The following KANK1 variants were observed in gnomAD, a reference collection of about 807,000 sequenced individuals.
KANK1 encodes KN motif and ankyrin repeat domain-containing protein 1.
Under a neutral mutation model 106.2 loss-of-function variants are expected in KANK1, and 109 were observed. That is an observed-to-expected ratio of 1.03 (90% CI 0.88 to 1.20). The LOEUF is 1.20. Among genes scored for constraint, KANK1 ranks in the 50% most tolerant of loss-of-function variants. KANK1 has a pLI of 0.00. For synonymous variants in KANK1, 873 were observed against 652.2 expected (o/e 1.34, Z -5.16); for missense variants, 2,399 against 1,710.7 (o/e 1.40, Z -7.10).
At chr9:523,551 T>A (rs1233677891) in intron 1 of KANK1, among the ~76,000 whole-genome samples, 1 of 151,734 alleles carries the variant, frequency 6.6e-6, no homozygotes, top group Non-Finnish European at 1.5e-5. Context: ...AGGAAAAGTT[T>A]TTACAGTGAA....
At chr9:674,093 A>C (rs1294540267) in intron 1 of KANK1, 1 of 152,126 alleles carries the variant, frequency 6.6e-6, no homozygotes, top group African/African-American at 2.4e-5. Context: ...GTTTATCCCT[A>C]ATGCCTGCCT....
chr9:563,313 T>A (rs917771768), intron 1 of KANK1, among the ~76,000 whole-genome samples: 12 of 152,220 alleles, frequency 7.9e-5, no homozygotes, highest in Admixed American at 7.9e-4. Context: ...TGTCTATTTT[T>A]CTGTTCTTTG....
At chr9:492,463 T>C (rs116239659) in intron 3 of KANK1, among the ~76,000 whole-genome samples, 2,825 of 152,272 alleles carry the variant, frequency 0.019, 71 homozygotes, top group African/African-American at 0.064. Flanking sequence ...GCTTCAGGTT[T>C]CCTTTCTGTA....
chr9:530,843 C>G (rs375650438), intron 1 of KANK1, among the ~76,000 whole-genome samples: 3 of 152,132 alleles, frequency 2.0e-5, no homozygotes, highest in Admixed American at 6.5e-5. Context: ...ACAAAATTAG[C>G]CAGACGTGGT....
rs375805215 is a variant in KANK1 at position 625,545 on chromosome 9, TTCTA to T, written c.-83-51343_-83-51340del. Among the ~76,000 whole-genome samples, 246 of 152,236 alleles carry T rather than the reference TTCTA, an allele frequency of 1.6e-3. 3 individuals are homozygous for T. The highest frequency in any genetic ancestry group is 5.7e-3 in the African/African-American group (236 of 41,536). ...TCTCATAGTTATCCGTTGTTAAAAG[TTCTA>T]TATTTCTACAAACCTTCTTGTGCGA... On this transcript the variant is annotated intron_variant, in intron 1 of 11. Transcript: ENST00000382297.
rs112164793 is a variant in KANK1, at chr9:574,147, T to G, written c.-84+69393T>G. ...TGGCCTTTGTTCTCTGCCGCACATG[T>G]TTGAAAAGCGCAGCTCGCACCCACT... On this transcript the variant is annotated intron_variant, in intron 1 of 11. Coordinates refer to ENST00000382297, the MANE Select transcript of KANK1 (RefSeq NM_015158.5). Among the ~76,000 whole-genome samples the G allele has an allele frequency of 1.9e-4, 29 of 152,342 alleles. 2 individuals are homozygous for G. Among genetic ancestry groups the G allele is most frequent in the African/African-American group, 5.8e-4 (24 of 41,584 alleles).
intron 3 of KANK1, among the ~76,000 whole-genome samples, chr9:490,958 C>CTT (rs758168904): frequency 0.07 from 8,191 of 116,262 alleles, 1,123 homozygotes; most frequent in African/African-American, 0.24. Context: ...GCTAAAGTGG[C>CTT]TTTTTTTTTT....
intron 1 of KANK1, among the ~76,000 whole-genome samples, chr9:668,030 C>T (rs952898389): frequency 6.6e-6 from 1 of 152,094 alleles, no homozygotes; most frequent in Non-Finnish European, 1.5e-5. Flanking sequence ...CACACCTAGC[C>T]CAAAATTCCT....
At chr9:474,053 T>A (rs1536857) in intron 3 of KANK1, among the ~76,000 whole-genome samples, 12,183 of 152,192 alleles carry the variant, frequency 0.08, 1,696 homozygotes, top group African/African-American at 0.28. Flanking sequence ...TTTCCCCACA[T>A]GATGGCTCCT....
chr9:742,933 A>G (rs577412542), intron 10 of KANK1, among the ~76,000 whole-genome samples: 1 of 152,176 alleles, frequency 6.6e-6, no homozygotes, highest in Admixed American at 6.5e-5. Context: ...GCGTTTTCCC[A>G]TTTCTGCTTA....
rs978543258 is a variant in KANK1 at position 518,109 on chromosome 9, C to G, written c.-84+13355C>G. Among the ~76,000 whole-genome samples, 3 of 151,848 alleles carry G rather than the reference C, an allele frequency of 2.0e-5. No individual in the cohort carries two copies. In the South Asian group the frequency reaches 6.2e-4, roughly 31 times the overall value. ...CTTAGTACTGTGGAAAAAAGTGTCA[C>G]TCTTTCCTGCTCTGTCAACTTTGAT... On this transcript the variant is annotated intron_variant, in intron 1 of 11. Coordinates refer to ENST00000382297, the MANE Select transcript of KANK1 (RefSeq NM_015158.5).
chr9:667,187 A>C (rs1037947165), intron 1 of KANK1, among the ~76,000 whole-genome samples: 1 of 151,968 alleles, frequency 6.6e-6, no homozygotes. Flanking sequence ...GTATATGTCC[A>C]GGAATGTATC....
intron 1 of KANK1, among the ~76,000 whole-genome samples, chr9:640,242 A>T (rs1838101154): frequency 6.6e-6 from 1 of 151,802 alleles, no homozygotes; most frequent in Non-Finnish European, 1.5e-5. Flanking sequence ...CATCATTTTT[A>T]TTTTATTTTA....
chr9:573,205 A>G (rs1278222024), intron 1 of KANK1, among the ~76,000 whole-genome samples: 2 of 152,178 alleles, frequency 1.3e-5, no homozygotes, highest in East Asian at 1.9e-4. Flanking sequence ...TGGAGGAGCT[A>G]GAGGAACAAC....
At chr9:542,179 C>A (rs1284666621) in intron 1 of KANK1, among the ~76,000 whole-genome samples, 2 of 151,790 alleles carry the variant, frequency 1.3e-5, no homozygotes, top group East Asian at 3.9e-4. Context: ...TGCTCAATAT[C>A]ACTAATCAGG....
At chr9:519,140 T>C (rs2059435602) in intron 1 of KANK1, among the ~76,000 whole-genome samples, 1 of 151,718 alleles carries the variant, frequency 6.6e-6, no homozygotes, top group Non-Finnish European at 1.5e-5. Flanking sequence ...TCTGCCTGCC[T>C]CGGCCTCCCA....
At chr9:633,455 C>T (rs1045781046) in intron 1 of KANK1, among the ~76,000 whole-genome samples, 3 of 152,122 alleles carry the variant, frequency 2.0e-5, no homozygotes, top group Admixed American at 1.3e-4. Flanking sequence ...GAGACTCCGT[C>T]TCAAAAACAA....
rs904637202 is a variant in KANK1 at position 707,154 on chromosome 9, G to A, written c.38-3650G>A. 1.6e-5 allele frequency: 16 copies of A among 985,618 alleles called. No individual in the cohort carries two copies. The East Asian group carries it at 1.6e-3, about 98-fold the overall frequency. 61.1% of individuals were successfully genotyped at this position (985,618 alleles called of 1,614,324 possible). On this transcript the variant is annotated intron_variant, in intron 2 of 11. Coordinates refer to ENST00000382297, the MANE Select transcript of KANK1 (RefSeq NM_015158.5). ...ATGTTGAAACTTCTCCTCACGGGGT[G>A]AGGATCGAGGGCGCCCGAGGCCGGG...
chr9:575,511 A>G (rs1242866005), intron 1 of KANK1, among the ~76,000 whole-genome samples: 1 of 144,960 alleles, frequency 6.9e-6, no homozygotes, highest in Non-Finnish European at 1.5e-5. Context: ...CTACAGGGAA[A>G]AAAAAAAAAA....
Sources: allele counts gnomAD v4.1 joint callset (sites outside exome capture counted in the v4.1 genomes callset), GRCh38; gene constraint gnomAD v4.1.1; transcripts MANE v1.5; gene names NCBI Gene and HGNC (gene_info 2026-07-23, HGNC 2026-07-21).